ROBO2: variants seen among roughly 807,000 people sequenced by gnomAD.
ROBO2 encodes the protein roundabout homolog 2.
In ROBO2, 53 loss-of-function variants were observed where a neutral mutation model predicts 160.8. That is an observed-to-expected ratio of 0.33 (90% CI 0.26 to 0.41). ROBO2 has a LOEUF of 0.41. Ranked by LOEUF, ROBO2 falls within the 10% of genes least tolerant of loss-of-function variation. The pLI is 1.00. For missense variants in ROBO2, 1,577 were observed against 1,722.4 expected (o/e 0.92, Z 1.49); for synonymous variants, 664 against 611.7 (o/e 1.09, Z -1.26).
intron 2 of ROBO2, among the ~76,000 whole-genome samples, chr3:77,154,151 A>G (rs755220842): frequency 3.3e-5 from 5 of 152,104 alleles, no homozygotes; most frequent in Non-Finnish European, 7.4e-5. Context: ...AACATAATCT[A>G]CACTAATAAT....
chr3:76,404,653 T>A (rs1330141654), intron 2 of ROBO2, among the ~76,000 whole-genome samples: 2 of 150,784 alleles, frequency 1.3e-5, no homozygotes, highest in Non-Finnish European at 3.0e-5. Context: ...TGAGGGAATG[T>A]AAAAAATGAG....
chr3:77,535,244 A>G (rs920688443), intron 6 of ROBO2, among the ~76,000 whole-genome samples: 1 of 149,680 alleles, frequency 6.7e-6, no homozygotes, highest in South Asian at 2.1e-4. Flanking sequence ...TCTTCATGCA[A>G]TCTTTCTCTA....
At chr3:77,271,647 T>C (rs961119951) in intron 2 of ROBO2, among the ~76,000 whole-genome samples, 2 of 152,196 alleles carry the variant, frequency 1.3e-5, no homozygotes, top group African/African-American at 4.8e-5. Flanking sequence ...GTACAAAAGA[T>C]AATAAAGTAG....
intron 2 of ROBO2, among the ~76,000 whole-genome samples, chr3:75,969,572 CT>C (rs1172726643): frequency 6.6e-6 from 1 of 151,536 alleles, no homozygotes; most frequent in African/African-American, 2.4e-5. Flanking sequence ...CCTCATCACA[CT>C]TATCTCTTTT....
intron 2 of ROBO2, among the ~76,000 whole-genome samples, chr3:77,219,489 GTA>G (rs10654899): frequency 0.065 from 7,237 of 111,268 alleles, 413 homozygotes; most frequent in East Asian, 0.3. Context: ...TATATAATCT[GTA>G]TATATATATA....
At chr3:76,333,958 C>T (rs549562745) in intron 2 of ROBO2, among the ~76,000 whole-genome samples, 67 of 152,148 alleles carry the variant, frequency 4.4e-4, no homozygotes, top group African/African-American at 1.6e-3. Context: ...CCCTTGGACA[C>T]GGGATGGGGA....
At chr3:76,134,973 T>G (rs1406260471) in intron 2 of ROBO2, among the ~76,000 whole-genome samples, 1 of 152,142 alleles carries the variant, frequency 6.6e-6, no homozygotes, top group Non-Finnish European at 1.5e-5. Flanking sequence ...ATAATGATTT[T>G]CAGCAATGCC....
At chr3:76,843,348 A>T (rs956233422) in intron 2 of ROBO2, among the ~76,000 whole-genome samples, 2 of 151,904 alleles carry the variant, frequency 1.3e-5, no homozygotes, top group African/African-American at 4.8e-5. Context: ...TATGACTCAA[A>T]ATAGAATATT....
At chr3:76,358,750 GT>G (rs1354895272) in intron 2 of ROBO2, among the ~76,000 whole-genome samples, 1 of 151,876 alleles carries the variant, frequency 6.6e-6, no homozygotes, top group Non-Finnish European at 1.5e-5. Flanking sequence ...TAAGATGAAA[GT>G]TGATGCTGTT....
chr3:76,648,965 A>T (rs2091120571), intron 2 of ROBO2, among the ~76,000 whole-genome samples: 1 of 152,126 alleles, frequency 6.6e-6, no homozygotes, highest in African/African-American at 2.4e-5. Flanking sequence ...CAACTATTTT[A>T]TGCTGCCTCT....
At chr3:77,459,973 A>T (rs977930831) in intron 2 of ROBO2, among the ~76,000 whole-genome samples, 7 of 151,876 alleles carry the variant, frequency 4.6e-5, no homozygotes, top group African/African-American at 1.5e-4. Context: ...GGAGAATTTT[A>T]TGTAAAAAGA....
chr3:76,463,579 A>C (rs974090916), intron 2 of ROBO2, among the ~76,000 whole-genome samples: 1 of 151,916 alleles, frequency 6.6e-6, no homozygotes, highest in Non-Finnish European at 1.5e-5. Context: ...TTGAGCCCTT[A>C]GTTGTCTTTT....
intron 19 of ROBO2, among the ~76,000 whole-genome samples, chr3:77,598,487 G>GTA (rs369073693): frequency 0.044 from 6,082 of 136,828 alleles, 364 homozygotes; most frequent in African/African-American, 0.13. Flanking sequence ...TATATAGTGT[G>GTA]TATATATATA....
intron 2 of ROBO2, among the ~76,000 whole-genome samples, chr3:77,277,137 C>T (rs1251654323): frequency 8.0e-6 from 1 of 124,994 alleles, no homozygotes; most frequent in South Asian, 2.9e-4. Context: ...TCCTTCCTTT[C>T]TTCCTTCTTT....
At chr3:77,637,231 C>A (rs2095279137) in intron 24 of ROBO2, among the ~76,000 whole-genome samples, 1 of 152,128 alleles carries the variant, frequency 6.6e-6, no homozygotes, top group Non-Finnish European at 1.5e-5. Context: ...TGACTTAGTC[C>A]TTAGCACACT....
chr3:76,505,872 A>G (rs1416795071), intron 2 of ROBO2, among the ~76,000 whole-genome samples: 1 of 152,192 alleles, frequency 6.6e-6, no homozygotes, highest in Admixed American at 6.5e-5. Context: ...AGAAAGAGTC[A>G]CAAAAGTTTT....
At chr3:76,500,762 CTT>C (rs1234422133) in intron 2 of ROBO2, among the ~76,000 whole-genome samples, 2 of 152,150 alleles carry the variant, frequency 1.3e-5, no homozygotes, top group Non-Finnish European at 2.9e-5. Context: ...AGTTGGATAT[CTT>C]TGCATGGTGA....
intron 2 of ROBO2, among the ~76,000 whole-genome samples, chr3:76,599,229 C>G (rs1241700381): frequency 2.0e-5 from 3 of 152,122 alleles, no homozygotes; most frequent in African/African-American, 7.2e-5. Flanking sequence ...TCTTCCTACT[C>G]TCCCTGTTAA....
chr3:77,644,278 A>G (rs1397237619), intron 24 of ROBO2, among the ~76,000 whole-genome samples: 5 of 152,142 alleles, frequency 3.3e-5, no homozygotes, highest in Admixed American at 3.3e-4. Context: ...ATCTAAATCA[A>G]TTGAGAAAAT....
Sources: allele counts gnomAD v4.1 joint callset (sites outside exome capture counted in the v4.1 genomes callset), GRCh38; gene constraint gnomAD v4.1.1; transcripts MANE v1.5; gene names NCBI Gene and HGNC (gene_info 2026-07-23, HGNC 2026-07-21).